The following GLRA2 variants were observed in gnomAD, a reference collection of about 807,000 sequenced individuals.
The protein encoded by GLRA2 is glycine receptor subunit alpha-2.
A neutral mutation model predicts 31.6 loss-of-function variants in GLRA2; 11 were observed. The ratio of observed to expected loss-of-function variants is 0.35; its 90% CI spans 0.22 to 0.58. The LOEUF is 0.58. Ranked by LOEUF, GLRA2 falls within the 20% of genes least tolerant of loss-of-function variation. The pLI, the probability that GLRA2 is intolerant of heterozygous loss-of-function variation, is 0.84. For synonymous variants in GLRA2, 132 were observed against 134.0 expected (o/e 0.99, Z 0.10); for missense variants, 212 against 351.8 (o/e 0.60, Z 3.18).
intron 2 of GLRA2, among the ~76,000 whole-genome samples, chrX:14,553,114 T>C (rs889147357): frequency 2.7e-5 from 3 of 111,606 alleles, no homozygotes; most frequent in East Asian, 2.8e-4. Flanking sequence ...TTATCAGAGA[T>C]TGTCTCACAT....
chrX:14,630,810 T>A (rs995985005), intron 7 of GLRA2, among the ~76,000 whole-genome samples: 1 of 108,591 alleles, frequency 9.2e-6, no homozygotes, highest in African/African-American at 3.4e-5. Context: ...CTGCTTTTTT[T>A]TTTTTTTTTT....
chrX:14,477,117 A>C, the GLRA2 span, among the ~76,000 whole-genome samples: 1 of 111,542 alleles, frequency 9.0e-6, no homozygotes, highest in African/African-American at 3.3e-5. Flanking sequence ...TCCCAGGGAA[A>C]GATAATTTGA....
chrX:14,499,940 T>C, the GLRA2 span, among the ~76,000 whole-genome samples: 2 of 111,905 alleles, frequency 1.8e-5, no homozygotes, highest in African/African-American at 6.5e-5. Flanking sequence ...CTTCTATTGA[T>C]AGTTTGAGCT....
intron 7 of GLRA2, among the ~76,000 whole-genome samples, chrX:14,627,514 T>G (rs2090601553): frequency 8.9e-6 from 1 of 111,825 alleles, no homozygotes. Flanking sequence ...TTACAGCTTG[T>G]ACGCTTAAGG....
At chrX:14,589,738 G>GTGTATATATATGTGTGTATATA (rs1167723227) in intron 4 of GLRA2, among the ~76,000 whole-genome samples, 2 of 72,945 alleles carry the variant, frequency 2.7e-5, no homozygotes, top group Admixed American at 1.4e-4. Flanking sequence ...GTATATATAT[G>GTGTATATATATGTGTGTATATA]TGTATATATA....
At chrX:14,696,146 GAAGA>G (rs760330902) in intron 8 of GLRA2, among the ~76,000 whole-genome samples, 2 of 100,416 alleles carry the variant, frequency 2.0e-5, no homozygotes, top group Non-Finnish European at 4.0e-5. Flanking sequence ...AAGAAGGAAG[GAAGA>G]AAGAAACCAA....
At chrX:14,547,533 G>A (rs1005032341) in intron 2 of GLRA2, among the ~76,000 whole-genome samples, 5 of 111,395 alleles carry the variant, frequency 4.5e-5, no homozygotes, top group African/African-American at 1.6e-4. Flanking sequence ...ACATATAAGA[G>A]AGTGAGGAAA....
chrX:14,717,791 T>C (rs2091812298), intron 8 of GLRA2, among the ~76,000 whole-genome samples: 1 of 108,791 alleles, frequency 9.2e-6, no homozygotes, highest in Admixed American at 9.8e-5. Context: ...TTATCAAGAA[T>C]TTTTTGAGCA....
the GLRA2 span, among the ~76,000 whole-genome samples, chrX:14,478,580 T>C: frequency 8.9e-6 from 1 of 112,190 alleles, no homozygotes; most frequent in Admixed American, 9.5e-5. Flanking sequence ...GTGTTTAAAT[T>C]GAGAACCTGC....
At chrX:14,495,246 A>G in the GLRA2 span, among the ~76,000 whole-genome samples, 1 of 111,292 alleles carries the variant, frequency 9.0e-6, no homozygotes, top group Non-Finnish European at 1.9e-5. Flanking sequence ...TTTTCCTCTT[A>G]TATTAGGTGA....
the GLRA2 span, among the ~76,000 whole-genome samples, chrX:14,466,116 G>T: frequency 9.0e-6 from 1 of 111,428 alleles, no homozygotes; most frequent in Non-Finnish European, 1.9e-5. Context: ...TTGATTTATG[G>T]TGTTTCATCC....
At chrX:14,619,812 G>A (rs1377953335) in intron 7 of GLRA2, among the ~76,000 whole-genome samples, 1 of 110,490 alleles carries the variant, frequency 9.1e-6, no homozygotes, top group Admixed American at 9.7e-5. Flanking sequence ...CTCCATGAAG[G>A]CAGGGTTCTT....
chrX:14,458,139 G>C, the GLRA2 span, among the ~76,000 whole-genome samples: 1 of 110,009 alleles, frequency 9.1e-6, no homozygotes, highest in Non-Finnish European at 1.9e-5. Flanking sequence ...TCTTGTCCTT[G>C]TGATAGTTTG....
intron 7 of GLRA2, among the ~76,000 whole-genome samples, chrX:14,671,244 G>C (rs990486063): frequency 9.0e-6 from 1 of 111,542 alleles, no homozygotes; most frequent in Non-Finnish European, 1.9e-5. Context: ...TTGCTATCCT[G>C]GTTCTAAATG....
chrX:14,499,418 AC>A, the GLRA2 span, among the ~76,000 whole-genome samples: 2 of 110,952 alleles, frequency 1.8e-5, no homozygotes, highest in East Asian at 5.7e-4. Context: ...TTTAAGAAAT[AC>A]CTATTCATGG....
intron 2 of GLRA2, among the ~76,000 whole-genome samples, chrX:14,542,263 G>A (rs760554783): frequency 1.8e-5 from 2 of 111,868 alleles, no homozygotes; most frequent in African/African-American, 3.2e-5. Context: ...AGAAGGCTAC[G>A]AATATTCACA....
chrX:14,704,853 A>C (rs1043514469), intron 8 of GLRA2, among the ~76,000 whole-genome samples: 3 of 112,007 alleles, frequency 2.7e-5, no homozygotes, highest in Non-Finnish European at 5.6e-5. Context: ...GTTTTCACAA[A>C]ATTTTAGAGG....
chrX:14,688,723 G>T (rs1195633469), intron 7 of GLRA2, among the ~76,000 whole-genome samples: 1 of 110,756 alleles, frequency 9.0e-6, no homozygotes, highest in African/African-American at 3.3e-5. Context: ...GCTAGGAAAG[G>T]GAATTCCCTG....
At chrX:14,464,202 T>A in the GLRA2 span, among the ~76,000 whole-genome samples, 1 of 112,388 alleles carries the variant, frequency 8.9e-6, no homozygotes, top group Non-Finnish European at 1.9e-5. Flanking sequence ...ACAATTTATT[T>A]ATTTTTGATT....
Sources: allele counts gnomAD v4.1 joint callset (sites outside exome capture counted in the v4.1 genomes callset), GRCh38; gene constraint gnomAD v4.1.1; transcripts MANE v1.5; gene names NCBI Gene and HGNC (gene_info 2026-07-23, HGNC 2026-07-21).